The following SHROOM3 variants were observed in gnomAD, a reference collection of about 807,000 sequenced individuals.
The protein encoded by SHROOM3 is shroom family member 3, also known as protein Shroom3.
SHROOM3 carries 47 observed loss-of-function variants against 138.6 expected under a neutral mutation model. The observed-to-expected ratio is 0.34, with a 90% confidence interval of 0.27 to 0.43. The LOEUF is 0.43. SHROOM3 is among the 20% of genes least tolerant of loss of function. The pLI, the probability that SHROOM3 is intolerant of heterozygous loss-of-function variation, is 1.00. For missense variants in SHROOM3, 2,491 were observed against 2,596.5 expected, an observed-to-expected ratio of 0.96 and a Z score of 0.88; for synonymous variants, 1,062 against 1,063.3, an observed-to-expected ratio of 1.00 and a Z score of 0.02.
At position 76,754,535 on chromosome 4, in the gene SHROOM3, T is replaced by G. The variant is rs929844808; in HGVS notation, c.4052T>G (p.Leu1351Arg). The change falls in exon 7 of 11, where the codon CTG becomes CGG. Residue 1351 changes from leucine (L) to arginine (R), a missense_variant. Leu to Arg is a moderately radical substitution (Grantham distance 102). Transcript: ENST00000296043. ...GTCACAGACACCAGGGCTGCACCCC[T>G]GACCCCAATTGGCACCCCTCTGCCT... is the stretch of plus-strand genomic sequence containing the variant. ...GLVTDTRAAP[L>R]TPIGTPLPSA... 6.2e-7 allele frequency: 1 copy of G among 1,613,586 alleles called. No individual in the cohort carries two copies. The highest frequency in any genetic ancestry group is 8.5e-7 in the Non-Finnish European group (1 of 1,179,634).
intron 1 of SHROOM3, among the ~76,000 whole-genome samples, chr4:76,487,380 T>G (rs1336014043): frequency 6.6e-6 from 1 of 152,232 alleles, no homozygotes; most frequent in African/African-American, 2.4e-5. Context: ...CTTTTTTGGC[T>G]ATTATGAATA....
chr4:76,765,142 G>T (rs1722110301), intron 9 of SHROOM3, among the ~76,000 whole-genome samples: 2 of 148,566 alleles, frequency 1.3e-5, no homozygotes. Flanking sequence ...AAATATTATA[G>T]TTTTCAGTTC....
At chr4:76,586,644 A>C (rs1734160646) in intron 2 of SHROOM3, among the ~76,000 whole-genome samples, 1 of 152,248 alleles carries the variant, frequency 6.6e-6, no homozygotes, top group Non-Finnish European at 1.5e-5. Flanking sequence ...AAAATAATAT[A>C]AAAGAATAAA....
intron 2 of SHROOM3, among the ~76,000 whole-genome samples, chr4:76,641,019 C>T (rs1735651974): frequency 6.6e-6 from 1 of 152,204 alleles, no homozygotes. Context: ...AGGGAATATG[C>T]TGGAATATCC....
At chr4:76,537,141 T>C (rs1732970243) in intron 1 of SHROOM3, among the ~76,000 whole-genome samples, 1 of 151,736 alleles carries the variant, frequency 6.6e-6, no homozygotes, top group East Asian at 1.9e-4. Context: ...GCAAGCAACA[T>C]GAAAGAGAAA....
At chr4:76,638,135 A>T (rs2110078600) in intron 2 of SHROOM3, among the ~76,000 whole-genome samples, 1 of 152,314 alleles carries the variant, frequency 6.6e-6, no homozygotes, top group East Asian at 1.9e-4. Flanking sequence ...GCTTTCGTTC[A>T]TCCTAATTTT....
chr4:76,518,277 C>T (rs1252239372), intron 1 of SHROOM3, among the ~76,000 whole-genome samples: 1 of 152,082 alleles, frequency 6.6e-6, no homozygotes, highest in Non-Finnish European at 1.5e-5. Flanking sequence ...CCCCCAAGAG[C>T]AGGGACTACA....
chr4:76,673,081 C>T (rs1433089381), intron 2 of SHROOM3, among the ~76,000 whole-genome samples: 1 of 152,126 alleles, frequency 6.6e-6, no homozygotes, highest in East Asian at 1.9e-4. Context: ...AAGTCCCTTC[C>T]CTAATTAAAT....
chr4:76,586,465 TTAAGG>T (rs1734157648), intron 2 of SHROOM3: 4 of 985,418 alleles, frequency 4.1e-6, no homozygotes, highest in South Asian at 4.7e-5. Context: ...ATAGACTTCC[TTAAGG>T]TAAGTCCATT....
chr4:76,686,008 A>G (rs1719325078), intron 2 of SHROOM3, among the ~76,000 whole-genome samples: 1 of 80,758 alleles, frequency 1.2e-5, no homozygotes, highest in African/African-American at 7.6e-5. Flanking sequence ...GTAAGTAATG[A>G]TAGCCATTTT....
At chr4:76,530,540 T>TA (rs1732808661) in intron 1 of SHROOM3, among the ~76,000 whole-genome samples, 1 of 152,200 alleles carries the variant, frequency 6.6e-6, no homozygotes, top group Non-Finnish European at 1.5e-5. Flanking sequence ...CTCTTATGTG[T>TA]ATTGGTCTGC....
intron 2 of SHROOM3, among the ~76,000 whole-genome samples, chr4:76,706,133 T>G (rs748235589): frequency 2.0e-5 from 3 of 152,148 alleles, no homozygotes; most frequent in Non-Finnish European, 4.4e-5. Context: ...TGTTTTTTGT[T>G]TGTTTTTGAG....
chr4:76,748,973 A>G, intron 5 of SHROOM3, 44 bp from the exon 6 acceptor site: 1 of 1,591,818 alleles, frequency 6.3e-7, no homozygotes. Flanking sequence ...AAATTTAAAC[A>G]CCCGTTTATT....
chr4:76,539,670 G>T (rs1290208162), intron 1 of SHROOM3, among the ~76,000 whole-genome samples: 1 of 152,184 alleles, frequency 6.6e-6, no homozygotes, highest in Non-Finnish European at 1.5e-5. Context: ...AAGGGAAACA[G>T]GCACAGAGAG....
In SHROOM3 at chr4:76,444,337, GA is replaced by G. The variant is rs908558546; in HGVS notation, c.168+8123del. On this transcript the variant is annotated intron_variant, in intron 1 of 10. Transcript: ENST00000296043. ...ATTTTAAGTGAGGTTTTCCAGCATAGAAAAAAGCTTACATCCCAGACAATAT... is the reference window on the plus strand; with the variant it reads ...ATTTTAAGTGAGGTTTTCCAGCATAGAAAAAGCTTACATCCCAGACAATAT... 4.0e-5 allele frequency among the ~76,000 whole-genome samples: 6 copies of G among 150,788 alleles called. 1 individual carries two copies. The highest frequency in any genetic ancestry group is 1.5e-4 in the African/African-American group (6 of 41,210).
intron 9 of SHROOM3, among the ~76,000 whole-genome samples, chr4:76,768,475 A>C (rs1226197430): frequency 1.2e-4 from 18 of 152,194 alleles, no homozygotes; most frequent in Admixed American, 1.2e-3. Flanking sequence ...TAACAGCTTG[A>C]GGAAAACCAA....
intron 2 of SHROOM3, among the ~76,000 whole-genome samples, chr4:76,686,414 C>T (rs1056226637): frequency 2.0e-5 from 3 of 151,792 alleles, no homozygotes; most frequent in Non-Finnish European, 4.4e-5. Flanking sequence ...AATTGAGAAC[C>T]CAAATAATGT....
At position 76,519,496 on chromosome 4, in the gene SHROOM3, T is replaced by A. The variant is rs138724217; in HGVS notation, c.169-36113T>A. 1.8e-4 allele frequency among the ~76,000 whole-genome samples: 28 copies of A among 152,286 alleles called. No individual in the cohort carries two copies. In the East Asian group the frequency reaches 5.4e-3, roughly 29 times the overall value. ...TGATAGTCTACTCACTGAGTATATG[T>A]CCTAAAGCAAGAATCAGGAAGATAA... On this transcript the variant is annotated intron_variant, in intron 1 of 10. Transcript: ENST00000296043.
chr4:76,603,020 A>G (rs1560560898), intron 2 of SHROOM3, among the ~76,000 whole-genome samples: 1 of 152,190 alleles, frequency 6.6e-6, no homozygotes, highest in Admixed American at 6.5e-5. Flanking sequence ...TATTTGTACT[A>G]AAGATGGACT....
Sources: gnomAD v4.1 joint callset for allele counts (sites outside exome capture counted in the v4.1 genomes callset) on GRCh38, gnomAD v4.1.1 for gene constraint, MANE v1.5 for transcripts, NCBI Gene and HGNC (gene_info 2026-07-23, HGNC 2026-07-21) for gene names.